KCNK2: variants seen among roughly 807,000 people sequenced by gnomAD.
KCNK2 encodes the protein potassium channel subfamily K member 2.
KCNK2 carries 21 observed loss-of-function variants against 40.5 expected under a neutral mutation model. That is an observed-to-expected ratio of 0.52 (90% confidence interval 0.37 to 0.75). The LOEUF is 0.75. Among genes scored for constraint, KCNK2 ranks in the 30% least tolerant of loss-of-function variants. The pLI, the probability that KCNK2 is intolerant of heterozygous loss-of-function variation, is 0.00. For synonymous variants in KCNK2, 191 were observed against 202.2 expected, an observed-to-expected ratio of 0.94 and a Z score of 0.47; for missense variants, 399 against 531.6, an observed-to-expected ratio of 0.75 and a Z score of 2.45.
chr1:215,099,231 C>T (rs1660108342), intron 2 of KCNK2, among the ~76,000 whole-genome samples: 2 of 151,800 alleles, frequency 1.3e-5, no homozygotes, highest in South Asian at 4.1e-4. Flanking sequence ...GTGTTCTCAT[C>T]ATTTAGCTTC....
intron 3 of KCNK2, among the ~76,000 whole-genome samples, chr1:215,149,037 C>T (rs1393601836): frequency 1.3e-5 from 2 of 151,992 alleles, no homozygotes; most frequent in African/African-American, 4.8e-5. Context: ...TTGTGCTGAA[C>T]GATTTTGGAA....
At chr1:215,069,019 G>A (rs6695704) in intron 1 of KCNK2, among the ~76,000 whole-genome samples, 7,577 of 152,198 alleles carry the variant, frequency 0.05, 577 homozygotes, top group African/African-American at 0.17. Context: ...AAGCAATCAC[G>A]GTTGCTAAGG....
intron 1 of KCNK2, among the ~76,000 whole-genome samples, chr1:215,011,761 A>G (rs1280597875): frequency 6.6e-6 from 1 of 151,762 alleles, no homozygotes; most frequent in Non-Finnish European, 1.5e-5. Flanking sequence ...GCGTGCTACC[A>G]CGCCCAGCTA....
chr1:215,196,561 A>G (rs536040466), intron 6 of KCNK2, among the ~76,000 whole-genome samples: 56 of 152,346 alleles, frequency 3.7e-4, no homozygotes, highest in Non-Finnish European at 6.6e-4. Flanking sequence ...TTTTTATTAT[A>G]AACAAGTCAG....
intron 1 of KCNK2, among the ~76,000 whole-genome samples, chr1:215,076,643 C>G (rs1321326285): frequency 2.6e-5 from 4 of 152,130 alleles, no homozygotes; most frequent in African/African-American, 9.7e-5. Flanking sequence ...CTGTTTGTAA[C>G]CTAATACTGA....
chr1:215,219,449 T>C (rs564842011), intron 6 of KCNK2, among the ~76,000 whole-genome samples: 1 of 152,306 alleles, frequency 6.6e-6, no homozygotes, highest in Non-Finnish European at 1.5e-5. Flanking sequence ...ATTATAACTA[T>C]TATGTATCTC....
chr1:215,226,648 T>C (rs977924404), intron 6 of KCNK2, among the ~76,000 whole-genome samples: 1 of 152,122 alleles, frequency 6.6e-6, no homozygotes, highest in Non-Finnish European at 1.5e-5. Flanking sequence ...CTTCAAAGAT[T>C]GCATTCCGTA....
chr1:215,156,975 T>A (rs1463869424), intron 3 of KCNK2, among the ~76,000 whole-genome samples: 2 of 152,092 alleles, frequency 1.3e-5, no homozygotes, highest in Non-Finnish European at 2.9e-5. Flanking sequence ...CACTTGAACC[T>A]GGGAGGTGGA....
At chr1:215,134,728 C>A (rs2102593548) in intron 3 of KCNK2, among the ~76,000 whole-genome samples, 1 of 152,096 alleles carries the variant, frequency 6.6e-6, no homozygotes, top group African/African-American at 2.4e-5. Flanking sequence ...CTCATTAGAA[C>A]AAAAGATGCT....
chr1:215,030,143 C>T (rs552170125), intron 1 of KCNK2, among the ~76,000 whole-genome samples: 55 of 152,266 alleles, frequency 3.6e-4, no homozygotes, highest in African/African-American at 1.3e-3. Context: ...TTTGCATTTT[C>T]CTGATGACAT....
At chr1:215,190,113 C>T (rs1380681179) in intron 5 of KCNK2, among the ~76,000 whole-genome samples, 1 of 152,002 alleles carries the variant, frequency 6.6e-6, no homozygotes, top group Non-Finnish European at 1.5e-5. Context: ...TTTTTTCTTC[C>T]TTCCTAAATA....
intron 3 of KCNK2, among the ~76,000 whole-genome samples, chr1:215,149,187 T>C (rs1383630948): frequency 4.6e-5 from 7 of 152,094 alleles, no homozygotes; most frequent in Non-Finnish European, 1.0e-4. Context: ...GTGGAACTGC[T>C]AGGAAGCAGG....
At chr1:215,044,570 A>G (rs1657677506) in intron 1 of KCNK2, among the ~76,000 whole-genome samples, 2 of 152,160 alleles carry the variant, frequency 1.3e-5, no homozygotes, top group Admixed American at 1.3e-4. Flanking sequence ...ATTAGGGTGC[A>G]TATTAGAAGT....
intron 2 of KCNK2, among the ~76,000 whole-genome samples, chr1:215,123,825 C>T (rs1184700885): frequency 6.6e-6 from 1 of 152,174 alleles, no homozygotes; most frequent in African/African-American, 2.4e-5. Context: ...TGTACATTTT[C>T]TCCTAACATA....
intron 3 of KCNK2, among the ~76,000 whole-genome samples, chr1:215,128,222 G>A (rs1661519572): frequency 6.6e-6 from 1 of 152,200 alleles, no homozygotes. Flanking sequence ...GCTGGGTGAA[G>A]AAAGTTGGAA....
chr1:215,164,124 G>C (rs560665790), intron 3 of KCNK2, among the ~76,000 whole-genome samples: 2 of 151,970 alleles, frequency 1.3e-5, no homozygotes, highest in Non-Finnish European at 2.9e-5. Context: ...TCAGGGATTC[G>C]ATTTTTTCCT....
intron 1 of KCNK2, among the ~76,000 whole-genome samples, chr1:215,056,312 A>AC (rs1558071632): frequency 6.7e-6 from 1 of 150,068 alleles, no homozygotes; most frequent in African/African-American, 2.4e-5. Flanking sequence ...CCATCTCAAA[A>AC]AAAAAAAAAA....
At chr1:215,151,159 A>G (rs1368272934) in intron 3 of KCNK2, among the ~76,000 whole-genome samples, 1 of 152,132 alleles carries the variant, frequency 6.6e-6, no homozygotes, top group Non-Finnish European at 1.5e-5. Flanking sequence ...TCAAATGTGT[A>G]GAAGTGTCTA....
chr1:215,078,281 G>A (rs1214144692), upstream of KCNK2, among the ~76,000 whole-genome samples: 2 of 152,202 alleles, frequency 1.3e-5, no homozygotes, highest in Non-Finnish European at 2.9e-5. Flanking sequence ...TTGGTCAGGA[G>A]CTCCCCTGGT....
Sources: allele counts gnomAD v4.1 joint callset (sites outside exome capture counted in the v4.1 genomes callset), GRCh38; gene constraint gnomAD v4.1.1; transcripts MANE v1.5; gene names NCBI Gene and HGNC (gene_info 2026-07-23, HGNC 2026-07-21).